Variants in POC1A observed in about 807,000 individuals in gnomAD.
POC1A encodes POC1 centriolar protein homolog A.
A neutral mutation model predicts 47.8 loss-of-function variants in POC1A; 34 were observed. The ratio of observed to expected loss-of-function variants is 0.71; its 90% confidence interval spans 0.54 to 0.95. The LOEUF is 0.95. Among genes scored for constraint, POC1A ranks in the 40% least tolerant of loss-of-function variants. The pLI is 0.00. For missense variants in POC1A, 466 were observed against 528.3 expected (o/e 0.88, Z 1.16); for synonymous variants, 177 against 207.6 (o/e 0.85, Z 1.27).
chr3:52,132,137 G>A (rs1360545718), intron 7 of POC1A, among the ~76,000 whole-genome samples: 1 of 152,188 alleles, frequency 6.6e-6, no homozygotes, highest in Non-Finnish European at 1.5e-5. Context: ...CTCCTACCAT[G>A]AGGCAGACAA....
At chr3:52,088,172 A>G (rs913307955) in intron 10 of POC1A, among the ~76,000 whole-genome samples, 2 of 152,132 alleles carry the variant, frequency 1.3e-5, no homozygotes, top group African/African-American at 4.8e-5. Flanking sequence ...TAGCCTGGCG[A>G]GTCGGGCTGC....
At chr3:52,148,063 T>G (rs192280825) in intron 4 of POC1A, among the ~76,000 whole-genome samples, 2 of 152,298 alleles carry the variant, frequency 1.3e-5, no homozygotes, top group Non-Finnish European at 2.9e-5. Context: ...CATGGCAACA[T>G]GCAGCCGACT....
At chr3:52,135,223 C>T (rs1449385215) in intron 7 of POC1A, among the ~76,000 whole-genome samples, 1 of 152,232 alleles carries the variant, frequency 6.6e-6, no homozygotes, top group African/African-American at 2.4e-5. Context: ...TTTCTACCCC[C>T]AGCTGGAGCA....
intron 8 of POC1A, among the ~76,000 whole-genome samples, chr3:52,123,248 A>G (rs1703861879): frequency 6.6e-6 from 1 of 152,210 alleles, no homozygotes; most frequent in Non-Finnish European, 1.5e-5. Flanking sequence ...CAGCAGGACC[A>G]TGTCCCTCGG....
At chr3:52,094,688 C>A (rs1022066571) in intron 10 of POC1A, among the ~76,000 whole-genome samples, 17 of 152,246 alleles carry the variant, frequency 1.1e-4, no homozygotes, top group Non-Finnish European at 1.5e-5. Context: ...AAGAACATGC[C>A]TCGCTTTATG....
chr3:52,144,873 G>T (rs1254583610), intron 6 of POC1A, among the ~76,000 whole-genome samples: 1 of 152,174 alleles, frequency 6.6e-6, no homozygotes, highest in Non-Finnish European at 1.5e-5. Context: ...GTGTGTGTGT[G>T]TCAGGGGTGG....
chr3:52,154,328 TG>T, intron 1 of POC1A, 26 bp downstream of exon 1: 1 of 1,559,718 alleles, frequency 6.4e-7, no homozygotes, highest in Non-Finnish European at 8.7e-7. Flanking sequence ...GACTGAGGCC[TG>T]GGGAGTTGCT....
chr3:52,078,503 CTTT>C (rs531817608), intron 10 of POC1A, among the ~76,000 whole-genome samples: 14 of 113,532 alleles, frequency 1.2e-4, no homozygotes, highest in Non-Finnish European at 1.6e-4. Flanking sequence ...ATGGAAATCT[CTTT>C]TTTTTTTTTT....
At chr3:52,099,419 A>G (rs1052953030) in intron 9 of POC1A, among the ~76,000 whole-genome samples, 1 of 152,266 alleles carries the variant, frequency 6.6e-6, no homozygotes, top group Non-Finnish European at 1.5e-5. Flanking sequence ...GTCGTACCAG[A>G]GCCATGAGTA....
intron 7 of POC1A, among the ~76,000 whole-genome samples, chr3:52,133,715 G>A (rs1055224130): frequency 6.6e-6 from 1 of 152,138 alleles, no homozygotes; most frequent in Non-Finnish European, 1.5e-5. Flanking sequence ...CAGCCCAACA[G>A]CACTGCACCC....
At chr3:52,143,634 G>A (rs568074852) in intron 6 of POC1A, among the ~76,000 whole-genome samples, 7 of 152,188 alleles carry the variant, frequency 4.6e-5, no homozygotes, top group Admixed American at 1.3e-4. Flanking sequence ...CCCCAACAGG[G>A]TCAGCTTCTC....
intron 3 of POC1A, 34 bp downstream of exon 3, chr3:52,149,782 A>G (rs1698492015): frequency 1.9e-6 from 3 of 1,594,106 alleles, no homozygotes; most frequent in Non-Finnish European, 1.7e-6. Context: ...AGGGCCCCAG[A>G]CTCCAACAAG....
rs368683187 is a variant in POC1A, at chr3:52,079,467, A to G, written c.1126-3482T>C. 3.3e-4 allele frequency among the ~76,000 whole-genome samples: 50 copies of G among 152,356 alleles called. No homozygotes were observed. The highest frequency in any genetic ancestry group is 1.2e-3 in the African/African-American group (49 of 41,588). On this transcript the variant is annotated intron_variant, in intron 10 of 10. Coordinates refer to ENST00000296484, the MANE Select transcript of POC1A (RefSeq NM_015426.5). This position sits in a 1 kb window ranked among gnomAD's most constrained non-coding sequence, Gnocchi z 4.6. Reference sequence around the variant, plus strand: ...TGCGGCCTCCCCGGGTCCACACTCCATGGCCTGGAAGCCACGACTTTCATT... The same window carrying G: ...TGCGGCCTCCCCGGGTCCACACTCCGTGGCCTGGAAGCCACGACTTTCATT...
chr3:52,143,763 C>A (rs915405699), intron 6 of POC1A, among the ~76,000 whole-genome samples: 3 of 152,216 alleles, frequency 2.0e-5, no homozygotes, highest in Non-Finnish European at 2.9e-5. Context: ...AGCCCCCAAC[C>A]CCAGCAGGCT....
intron 10 of POC1A, among the ~76,000 whole-genome samples, chr3:52,078,763 TG>T (rs1454497176): frequency 2.6e-5 from 4 of 152,190 alleles, no homozygotes; most frequent in Non-Finnish European, 5.9e-5. Context: ...CCTCCCAAAA[TG>T]TTGGGATTAC....
chr3:52,088,147 C>T (rs79156000), intron 10 of POC1A, among the ~76,000 whole-genome samples: 7,162 of 152,210 alleles, frequency 0.047, 358 homozygotes, highest in East Asian at 0.23. Flanking sequence ...TGCTGGAGGC[C>T]TGGAAGTCTC....
At chr3:52,138,490 A>G (rs755240432) in intron 6 of POC1A, among the ~76,000 whole-genome samples, 188 bp from the exon 7 acceptor site, 30 of 152,312 alleles carry the variant, frequency 2.0e-4, no homozygotes, top group Middle Eastern at 3.4e-3. Context: ...CAATCGAAGA[A>G]CAGGAAAAGG....
chr3:52,117,844 G>C (rs1173269371), intron 9 of POC1A, among the ~76,000 whole-genome samples: 5 of 152,150 alleles, frequency 3.3e-5, no homozygotes, highest in African/African-American at 1.2e-4. Context: ...ATGCATTTTT[G>C]CTATTTAAAA....
At chr3:52,082,341 C>T (rs568296616) in intron 10 of POC1A, among the ~76,000 whole-genome samples, 1 of 152,302 alleles carries the variant, frequency 6.6e-6, no homozygotes, top group East Asian at 1.9e-4. Context: ...GAAGGAGGGA[C>T]TGCCCAACCC....
Sources: gnomAD v4.1 joint callset for allele counts (sites outside exome capture counted in the v4.1 genomes callset) on GRCh38, gnomAD v4.1.1 for gene constraint, Gnocchi (gnomAD v3.1) non-coding constraint, MANE v1.5 for transcripts, NCBI Gene and HGNC (gene_info 2026-07-23, HGNC 2026-07-21) for gene names.